Variants in IFI16 observed in about 807,000 individuals in gnomAD.
IFI16 encodes interferon gamma inducible protein 16, also known as gamma-interferon-inducible protein 16.
IFI16 carries 49 observed loss-of-function variants against 68.4 expected under a neutral mutation model. The observed-to-expected ratio is 0.72, with a 90% CI of 0.57 to 0.91. IFI16 has a LOEUF of 0.91. Ranked by LOEUF, IFI16 falls within the 40% of genes least tolerant of loss-of-function variation. IFI16 has a pLI of 0.00. For missense variants in IFI16, 878 were observed against 942.9 expected (o/e 0.93, Z 0.90); for synonymous variants, 307 against 315.0 (o/e 0.97, Z 0.27).
At chr1:159,003,485 C>G (rs1652133069), upstream of IFI16, among the ~76,000 whole-genome samples, 1 of 152,110 alleles carries the variant, frequency 6.6e-6, no homozygotes, top group South Asian at 2.1e-4. Context: ...CCTAAGCAAT[C>G]CCTCCTCTGT....
intron 7 of IFI16, among the ~76,000 whole-genome samples, chr1:159,038,437 T>C (rs1372693832): frequency 6.6e-6 from 1 of 152,118 alleles, no homozygotes; most frequent in African/African-American, 2.4e-5. Flanking sequence ...CAATCAAAGC[T>C]CACTGCAACC....
upstream of IFI16, among the ~76,000 whole-genome samples, chr1:159,003,267 A>T (rs1652125186): frequency 6.6e-6 from 1 of 152,210 alleles, no homozygotes; most frequent in Non-Finnish European, 1.5e-5. Flanking sequence ...CGCATGGTTT[A>T]TTTTAATGTT....
At chr1:159,028,043 T>C (rs530520891) in intron 6 of IFI16, among the ~76,000 whole-genome samples, 1 of 152,298 alleles carries the variant, frequency 6.6e-6, no homozygotes, top group East Asian at 1.9e-4. Flanking sequence ...GTTATTTCTT[T>C]TCTTCTGCTG....
At chr1:159,045,501 AC>A in intron 8 of IFI16, 37 bp downstream of exon 8, 1 of 1,605,292 alleles carries the variant, frequency 6.2e-7, no homozygotes, top group Non-Finnish European at 8.5e-7. Flanking sequence ...TCCCCTCACT[AC>A]AATGTAATGA....
At chr1:159,053,502 T>G (rs112079794) in intron 10 of IFI16, 31 bp from the exon 11 acceptor site, 3 of 1,455,712 alleles carry the variant, frequency 2.1e-6, no homozygotes, top group East Asian at 4.6e-5. Flanking sequence ...TGATCCAGTT[T>G]CAGAAGATAA....
At chr1:159,050,950 C>T (rs902229712) in intron 9 of IFI16, among the ~76,000 whole-genome samples, 2 of 152,108 alleles carry the variant, frequency 1.3e-5, no homozygotes, top group Non-Finnish European at 2.9e-5. Flanking sequence ...TTTAAAATGC[C>T]CCTATCTACT....
chr1:159,038,547 T>G (rs1654449827), intron 7 of IFI16, among the ~76,000 whole-genome samples: 1 of 152,090 alleles, frequency 6.6e-6, no homozygotes, highest in Non-Finnish European at 1.5e-5. Context: ...TAAAATGTTT[T>G]GTAGAGATGA....
upstream of IFI16, among the ~76,000 whole-genome samples, chr1:159,006,273 G>T (rs1186564894): frequency 6.6e-6 from 1 of 152,146 alleles, no homozygotes; most frequent in African/African-American, 2.4e-5. Context: ...TTATACCTAG[G>T]TTTAGGAAGG....
intron 1 of IFI16, among the ~76,000 whole-genome samples, 183 bp downstream of exon 1, chr1:159,010,344 A>C (rs1449719104): frequency 6.6e-6 from 1 of 152,234 alleles, no homozygotes; most frequent in Non-Finnish European, 1.5e-5. Context: ...GGAAGATAAC[A>C]GGCATCTTCT....
In IFI16 at chr1:159,016,620, G is replaced by T; in HGVS notation, c.469G>T (p.Ala157Ser). The T allele has an allele frequency of 6.2e-7, 1 of 1,614,130 alleles. No homozygotes were observed. The highest frequency in any genetic ancestry group is 8.5e-7 in the Non-Finnish European group (1 of 1,179,994). The change falls in exon 4 of 12, where the codon GCC becomes TCC. Residue 157 changes from alanine to serine, a missense_variant. Around this residue, in one of 4 missense-constraint regions of IFI16, gnomAD observed 443 missense variants for 421.8 expected, o/e 1.05. Coordinates refer to ENST00000295809, the MANE Select transcript of IFI16 (RefSeq NM_001376587.1). ...GACTCAGCCTCCCTCTCCTGCAGGA[G>T]CCGGCATGTCCACAGCCATGGGCCG... Reference protein sequence around the residue: ...EQTQPPSPAGAGMSTAMGRSP... With the variant: ...EQTQPPSPAGSGMSTAMGRSP...
intron 6 of IFI16, among the ~76,000 whole-genome samples, chr1:159,023,610 A>C (rs1003445845): frequency 6.6e-6 from 1 of 151,772 alleles, no homozygotes; most frequent in Non-Finnish European, 1.5e-5. Context: ...TTTGGCCTGC[A>C]GTGTCTTGTT....
chr1:159,016,202 T>C (rs1229508152), intron 3 of IFI16, among the ~76,000 whole-genome samples: 2 of 152,240 alleles, frequency 1.3e-5, no homozygotes, highest in Non-Finnish European at 2.9e-5. Flanking sequence ...AACATAAATG[T>C]GATACCTTCA....
chr1:159,035,173 T>C (rs1258865829), intron 7 of IFI16, among the ~76,000 whole-genome samples: 1 of 152,094 alleles, frequency 6.6e-6, no homozygotes, highest in Non-Finnish European at 1.5e-5. Flanking sequence ...TTTTTTTTGG[T>C]TTGTTTTCAT....
rs191820473 is a variant in IFI16, at chr1:159,027,172, C to T, written c.1162-5352C>T. 3.5e-4 allele frequency among the ~76,000 whole-genome samples: 53 copies of T among 152,168 alleles called. 1 individual carries two copies. The East Asian group carries it at 8.1e-3, about 23-fold the overall frequency. On this transcript the variant is annotated intron_variant, in intron 6 of 11. Transcript: ENST00000295809. Reference sequence around the variant, plus strand: ...ATGTTGTCTGTGGGTTTGTCATAGACGGCTTTTATTACCTTAAGGTATATC... The same window carrying T: ...ATGTTGTCTGTGGGTTTGTCATAGATGGCTTTTATTACCTTAAGGTATATC...
At position 159,054,871 on chromosome 1, in the gene IFI16, T is replaced by A; in HGVS notation, c.2328T>A (p.Ser776Arg). Residue 776 changes from serine to arginine, a missense_variant, in exon 12 of 12, where the codon AGT becomes AGA. Transcript: ENST00000295809. ...AAGACATACTCAATCCTGATTCAAG[T>A]ATGGAAACTTCACCAGACTTTTTCT... ...NKKDILNPDS[S>R]METSPDFFF The A allele has an allele frequency of 6.2e-7, 1 of 1,602,574 alleles. No homozygotes were observed. Among genetic ancestry groups the A allele is most frequent in the Non-Finnish European group, 8.5e-7 (1 of 1,171,282 alleles).
In IFI16 at chr1:159,015,904, A is replaced by C. The variant is rs547200732; in HGVS notation, c.298A>C (p.Lys100Gln). The change falls in exon 3 of 12, where the codon AAG (lysine) becomes CAG (glutamine). Residue 100 changes from lysine (K) to glutamine (Q), a missense_variant. Around this residue, in one of 4 missense-constraint regions of IFI16, gnomAD observed 443 missense variants for 421.8 expected, o/e 1.05. Coordinates refer to ENST00000295809, the MANE Select transcript of IFI16 (RefSeq NM_001376587.1). Reference protein sequence around the residue: ...KGPALSRKRKKEVDATSPAPS... With the variant: ...KGPALSRKRKQEVDATSPAPS... ...ACCAGCCCTATCAAGAAAGAGGAAG[A>C]AGGAAGTGGATGCTACTTCACCTGC... The C allele has an allele frequency of 1.2e-5, 20 of 1,614,024 alleles. No individual in the cohort carries two copies. Among genetic ancestry groups the C allele is most frequent in the Non-Finnish European group, 1.6e-5 (19 of 1,179,858 alleles).
chr1:159,018,357 AATAAT>A lies in IFI16; in HGVS notation c.679_683del (p.Ile227ValfsTer40). ...ATGAGACCCCAGAAATGGAGAAAAAAATAATGTTTCATGCTACAGTGGCTACACAG... is the reference window on the plus strand; with the variant it reads ...ATGAGACCCCAGAAATGGAGAAAAAAGTTTCATGCTACAGTGGCTACACAG... On this transcript the variant is annotated frameshift_variant, in exon 5 of 12. Transcript: ENST00000295809. LOFTEE classifies it high-confidence loss of function. The A allele has an allele frequency of 1.2e-6, 2 of 1,614,212 alleles. No individual in the cohort carries two copies. Among genetic ancestry groups the A allele is most frequent in the Non-Finnish European group, 1.7e-6 (2 of 1,180,022 alleles).
chr1:159,016,011 G>A lies in IFI16; in HGVS notation c.381+24G>A, dbSNP rs202135473. The A allele has an allele frequency of 2.0e-6, 3 of 1,491,126 alleles. 1 individual carries two copies. Among genetic ancestry groups the A allele is most frequent in the South Asian group, 2.3e-5 (2 of 88,200 alleles). 92.4% of individuals were successfully genotyped at this position (1,491,126 alleles called of 1,614,324 possible). A position where few individuals can be genotyped will look rare whatever the true frequency, so the allele number is the denominator to read the frequency against. On this transcript the variant is annotated intron_variant, in intron 3 of 11. Transcript: ENST00000295809. ...AGGTAAGCTTCAGGAAGAGGAGCAG[G>A]CTTCAAGTCCCACAGAGGAAGCTCT... is the stretch of plus-strand genomic sequence containing the variant.
intron 6 of IFI16, among the ~76,000 whole-genome samples, chr1:159,025,718 T>C (rs1252259039): frequency 6.6e-6 from 1 of 152,236 alleles, no homozygotes; most frequent in African/African-American, 2.4e-5. Flanking sequence ...GCATTTGCTT[T>C]TGGGTTCTTA....
Sources: gnomAD v4.1 joint callset for allele counts (sites outside exome capture counted in the v4.1 genomes callset) on GRCh38, gnomAD v4.1.1 for gene constraint, gnomAD v4.1.1 regional missense constraint, MANE v1.5 for transcripts, NCBI Gene and HGNC (gene_info 2026-07-23, HGNC 2026-07-21) for gene names.